Variants in GLI2 observed in about 807,000 individuals in gnomAD.
GLI2 encodes the protein transcription activator GLI2.
In GLI2, 22 loss-of-function variants were observed where a neutral mutation model predicts 78.9. That is an observed-to-expected ratio of 0.28 (90% CI 0.20 to 0.40). The LOEUF (loss-of-function observed/expected upper bound fraction) is 0.40, where lower values mean the gene tolerates loss of function less well. GLI2 is among the 10% of genes least tolerant of loss of function. GLI2 has a pLI of 1.00. For missense variants in GLI2, 2,097 were observed against 2,213.2 expected, an observed-to-expected ratio of 0.95 and a Z score of 1.05; for synonymous variants, 974 against 963.7, an observed-to-expected ratio of 1.01 and a Z score of -0.20.
At chr2:120,894,101 G>T (rs989669623) in intron 2 of GLI2, among the ~76,000 whole-genome samples, 1 of 152,174 alleles carries the variant, frequency 6.6e-6, no homozygotes, top group Non-Finnish European at 1.5e-5. Flanking sequence ...TCCTCCTGGG[G>T]CTTTGTGGCA....
chr2:120,879,649 C>T (rs1182971891), intron 2 of GLI2, among the ~76,000 whole-genome samples: 2 of 152,198 alleles, frequency 1.3e-5, no homozygotes, highest in Admixed American at 6.5e-5. Context: ...GCGGCCCCAC[C>T]ACGGGCTGGA....
At chr2:120,952,197 G>C (rs1254494696) in intron 4 of GLI2, among the ~76,000 whole-genome samples, 1 of 152,202 alleles carries the variant, frequency 6.6e-6, no homozygotes, top group Non-Finnish European at 1.5e-5. Flanking sequence ...GCATGGCATG[G>C]CCCCGTGCCG....
rs756635388 is a variant in GLI2, at chr2:120,955,233, C to T, written c.458-12C>T. The T allele has an allele frequency of 5.1e-6, 8 of 1,564,858 alleles. No homozygotes were observed. The highest frequency in any genetic ancestry group is 7.0e-6 in the Non-Finnish European group (8 of 1,138,982). The stretch of plus-strand genomic sequence containing the variant: ...GGTTCTGACGGCTTCTTTCTCTCCC[C>T]TCTGCCCACAGTGGCCCAGGAGCAC... On this transcript the variant is annotated splice_polypyrimidine_tract_variant and intron_variant, in intron 4 of 13. Coordinates refer to ENST00000361492, the MANE Select transcript of GLI2 (RefSeq NM_001374353.1).
chr2:120,944,316 T>C (rs1680603154), intron 3 of GLI2, among the ~76,000 whole-genome samples: 1 of 152,170 alleles, frequency 6.6e-6, no homozygotes, highest in Non-Finnish European at 1.5e-5. Context: ...GAGCACTAAT[T>C]GAGCACCTAC....
At chr2:120,947,803 G>A (rs1680785326) in intron 3 of GLI2, among the ~76,000 whole-genome samples, 1 of 152,234 alleles carries the variant, frequency 6.6e-6, no homozygotes, top group South Asian at 2.1e-4. Context: ...AGTGCCAGGT[G>A]CAGCATCCTG....
At chr2:120,982,594 C>T in intron 10 of GLI2, 122 bp from the exon 11 acceptor site, 2 of 746,314 alleles carry the variant, frequency 2.7e-6, no homozygotes, top group Non-Finnish European at 4.5e-6. Context: ...CCTTAAAATG[C>T]ATGCTTCTGA....
Position 120,737,550 on chromosome 2 carries a change from T to A in GLI2, c.-31+1265T>A, listed in dbSNP as rs776136634. On this transcript the variant is annotated intron_variant, in intron 1 of 13. Transcript: ENST00000361492. The surrounding 1 kb of genome is among the most constrained non-coding windows in gnomAD (Gnocchi z 4.3). Reference sequence around the variant, plus strand: ...CCTGGGAGTCTTGTAGGCGTCCCTCTGTCCCCCAGCCCGGGCATCCCGCTC... The same window carrying A: ...CCTGGGAGTCTTGTAGGCGTCCCTCAGTCCCCCAGCCCGGGCATCCCGCTC... Among the ~76,000 whole-genome samples the A allele has an allele frequency of 6.6e-6, 1 of 152,306 alleles. No homozygotes were observed. The highest frequency in any genetic ancestry group is 6.5e-5 in the Admixed American group (1 of 15,304).
chr2:120,797,187 T>C, intron 1 of GLI2, 104 bp from the exon 2 acceptor site: 4 of 787,854 alleles, frequency 5.1e-6, no homozygotes, highest in Non-Finnish European at 9.0e-6. Context: ...AGAATTAGAA[T>C]GAAGTTGGTT....
chr2:120,876,202 C>T (rs1203453412), intron 2 of GLI2, among the ~76,000 whole-genome samples: 1 of 152,058 alleles, frequency 6.6e-6, no homozygotes, highest in East Asian at 1.9e-4. Context: ...CTTAGCCGGG[C>T]GTGGTGGCGG....
chr2:120,943,596 G>A (rs867652200), intron 3 of GLI2, among the ~76,000 whole-genome samples: 6 of 152,222 alleles, frequency 3.9e-5, no homozygotes, highest in South Asian at 2.1e-4. Flanking sequence ...CGCTGCTGCC[G>A]CTGGCCTCAC....
rs575613961 is a variant in GLI2, at chr2:120,808,050, C to T, written c.148+10582C>T. The stretch of plus-strand genomic sequence containing the variant: ...TTTTGGGGGATTGTGAAGCTTGAAA[C>T]CCTGGCACCAGACAGCCAGGCCTCT... On this transcript the variant is annotated intron_variant, in intron 2 of 13. Transcript: ENST00000361492. Among the ~76,000 whole-genome samples, 3 of 152,314 alleles carry T rather than the reference C, an allele frequency of 2.0e-5. No homozygotes were observed. In the East Asian group the frequency reaches 5.8e-4, roughly 29 times the overall value.
intron 1 of GLI2, among the ~76,000 whole-genome samples, chr2:120,795,057 T>C (rs1684321547): frequency 6.6e-6 from 1 of 151,830 alleles, no homozygotes; most frequent in Non-Finnish European, 1.5e-5. Context: ...GATGTGGGAG[T>C]ATTGTGTGGA....
At chr2:120,779,151 C>T (rs562914946) in intron 1 of GLI2, among the ~76,000 whole-genome samples, 74 of 152,310 alleles carry the variant, frequency 4.9e-4, no homozygotes, top group Non-Finnish European at 8.2e-4. Context: ...AGTACTTACA[C>T]GCATCAGCTC....
chr2:120,917,810 A>T (rs754121898), intron 2 of GLI2, among the ~76,000 whole-genome samples: 14 of 152,180 alleles, frequency 9.2e-5, no homozygotes, highest in Non-Finnish European at 1.9e-4. Context: ...AATTCACAAT[A>T]GTGTTCACCT....
intron 2 of GLI2, among the ~76,000 whole-genome samples, chr2:120,850,414 GA>G (rs1170117535): frequency 6.6e-6 from 1 of 152,188 alleles, no homozygotes; most frequent in East Asian, 1.9e-4. Flanking sequence ...TCAAGTCAGT[GA>G]ATTTGCCCTG....
At chr2:120,841,571 A>C (rs1400306598) in intron 2 of GLI2, among the ~76,000 whole-genome samples, 1 of 152,232 alleles carries the variant, frequency 6.6e-6, no homozygotes, top group Non-Finnish European at 1.5e-5. Context: ...CTTCTTGACT[A>C]TTCTAGTTTT....
intron 1 of GLI2, among the ~76,000 whole-genome samples, chr2:120,754,724 AAC>A (rs1553444995): frequency 6.6e-6 from 1 of 152,202 alleles, no homozygotes; most frequent in Non-Finnish European, 1.5e-5. Flanking sequence ...GGTTGCTTTG[AAC>A]ATTTCTGTAT....
chr2:120,927,463 A>G lies in GLI2; in HGVS notation c.251A>G (p.His84Arg). 3 of 1,606,496 alleles carry G rather than the reference A, an allele frequency of 1.9e-6. No individual in the cohort carries two copies. The highest frequency in any genetic ancestry group is 2.6e-6 in the Non-Finnish European group (3 of 1,173,082). ...GAGCCTCATTCTGTCCACGGTGTGC[A>G]CGGGTAAGTCCTGCCCTCTGCCTGC... ...HYEPHSVHGV[H>R]GPPALSGSPV... is the part of the protein sequence containing the mutation. Residue 84 changes from histidine to arginine, a missense_variant, in exon 3 of 14, where the codon CAC becomes CGC. His to Arg is a conservative substitution (Grantham distance 29). Coordinates refer to ENST00000361492, the MANE Select transcript of GLI2 (RefSeq NM_001374353.1).
intron 2 of GLI2, among the ~76,000 whole-genome samples, chr2:120,854,379 G>A (rs2310898): frequency 0.13 from 20,009 of 152,112 alleles, 1,458 homozygotes; most frequent in Non-Finnish European, 0.16. Context: ...AGTTCCAGCC[G>A]CGCATAGCCT....
Sources: allele counts gnomAD v4.1 joint callset (sites outside exome capture counted in the v4.1 genomes callset), GRCh38; gene constraint gnomAD v4.1.1; non-coding constraint Gnocchi (gnomAD v3.1); transcripts MANE v1.5; gene names NCBI Gene and HGNC (gene_info 2026-07-23, HGNC 2026-07-21).